The following SH3GL2 variants were observed in gnomAD, a reference collection of about 807,000 sequenced individuals.
SH3GL2 encodes SH3 domain containing GRB2 like 2, endophilin A1, also known as endophilin-A1.
In SH3GL2, 24 loss-of-function variants were observed where a neutral mutation model predicts 46.0. The observed-to-expected ratio is 0.52, with a 90% CI of 0.38 to 0.73. The LOEUF is 0.73. SH3GL2 is among the 30% of genes least tolerant of loss of function. The pLI, the probability that SH3GL2 is intolerant of heterozygous loss-of-function variation, is 0.00. For missense variants in SH3GL2, 413 were observed against 424.2 expected (o/e 0.97, Z 0.23); for synonymous variants, 196 against 147.1 (o/e 1.33, Z -2.40).
intron 1 of SH3GL2, among the ~76,000 whole-genome samples, chr9:17,579,685 C>T (rs1465588721): frequency 1.3e-5 from 2 of 152,140 alleles, no homozygotes; most frequent in Admixed American, 6.5e-5. Context: ...AGTCGGTGCA[C>T]CCGGCTTTCC....
chr9:17,787,610 T>C, intron 5 of SH3GL2, 97 bp downstream of exon 5: 1 of 953,994 alleles, frequency 1.0e-6, no homozygotes, highest in Non-Finnish European at 1.6e-6. Context: ...TTACCCTGTG[T>C]GTTGTCAGCT....
intron 1 of SH3GL2, among the ~76,000 whole-genome samples, chr9:17,679,095 G>A (rs1301709494): frequency 6.6e-6 from 1 of 152,112 alleles, no homozygotes; most frequent in Non-Finnish European, 1.5e-5. Flanking sequence ...TTTTGGCTTA[G>A]GATTGACTTG....
intron 1 of SH3GL2, among the ~76,000 whole-genome samples, chr9:17,733,901 G>C (rs149869311): frequency 0.069 from 10,407 of 151,356 alleles, 459 homozygotes; most frequent in Admixed American, 0.13. Context: ...TATTCTCACT[G>C]ATAGGTGGGA....
chr9:17,673,857 C>G (rs1424006362), intron 1 of SH3GL2, among the ~76,000 whole-genome samples: 2 of 152,252 alleles, frequency 1.3e-5, no homozygotes, highest in South Asian at 4.2e-4. Flanking sequence ...TTCTTTTGCT[C>G]ACCCATCTGC....
intron 1 of SH3GL2, among the ~76,000 whole-genome samples, chr9:17,665,923 A>T (rs1447082651): frequency 6.7e-6 from 1 of 149,016 alleles, no homozygotes; most frequent in Non-Finnish European, 1.5e-5. Context: ...CCATGACTTT[A>T]TACTGATATG....
chr9:17,688,165 T>C (rs1039447438), intron 1 of SH3GL2, among the ~76,000 whole-genome samples: 4 of 152,214 alleles, frequency 2.6e-5, no homozygotes, highest in Non-Finnish European at 5.9e-5. Flanking sequence ...GGGTGCCTCA[T>C]GTCGAGGTGT....
chr9:17,619,669 C>T (rs999739755), intron 1 of SH3GL2, among the ~76,000 whole-genome samples: 1 of 148,100 alleles, frequency 6.8e-6, no homozygotes, highest in Non-Finnish European at 1.5e-5. Context: ...AAGAGTGAAA[C>T]TCCATCTCAA....
At chr9:17,685,538 G>T (rs1168410978) in intron 1 of SH3GL2, among the ~76,000 whole-genome samples, 1 of 152,054 alleles carries the variant, frequency 6.6e-6, no homozygotes, top group Non-Finnish European at 1.5e-5. Flanking sequence ...TATTAGAATT[G>T]TGGGAAGACC....
intron 1 of SH3GL2, among the ~76,000 whole-genome samples, chr9:17,743,605 A>C: frequency 1.4e-5 from 1 of 71,344 alleles, no homozygotes; most frequent in Admixed American, 1.1e-4. Flanking sequence ...CACACACCCC[A>C]AATAGTTAAA....
intron 1 of SH3GL2, among the ~76,000 whole-genome samples, chr9:17,713,205 G>A (rs192228678): frequency 1.7e-4 from 25 of 151,122 alleles, no homozygotes; most frequent in Admixed American, 1.5e-3. Context: ...TATATTCCTC[G>A]GATAAACTCC....
intron 1 of SH3GL2, among the ~76,000 whole-genome samples, chr9:17,741,693 G>A (rs959058859): frequency 6.6e-5 from 10 of 152,168 alleles, no homozygotes; most frequent in African/African-American, 1.4e-4. Context: ...CTCTTCAAGC[G>A]CTGTGTTAAT....
chr9:17,596,454 T>A (rs1438529923), intron 1 of SH3GL2, among the ~76,000 whole-genome samples: 1 of 152,088 alleles, frequency 6.6e-6, no homozygotes, highest in Non-Finnish European at 1.5e-5. Context: ...GGAGTGCTCC[T>A]GTAAGATGTT....
At chr9:17,592,252 G>A (rs116400424) in intron 1 of SH3GL2, among the ~76,000 whole-genome samples, 3,232 of 152,268 alleles carry the variant, frequency 0.021, 122 homozygotes, top group African/African-American at 0.074. Context: ...GCTCTTCCCA[G>A]GCCCTCAAGC....
intron 2 of SH3GL2, among the ~76,000 whole-genome samples, chr9:17,759,073 A>G (rs1588308414): frequency 6.6e-6 from 1 of 152,218 alleles, no homozygotes; most frequent in South Asian, 2.1e-4. Context: ...ACAGAGCTTA[A>G]AAGGGAAGGG....
At chr9:17,725,808 AC>A (rs1221992799) in intron 1 of SH3GL2, among the ~76,000 whole-genome samples, 7 of 152,184 alleles carry the variant, frequency 4.6e-5, no homozygotes, top group East Asian at 1.9e-4. Flanking sequence ...TTGTGCTTCC[AC>A]AACACATGGC....
In SH3GL2 at chr9:17,750,725, A is replaced by G. The variant is rs546932648; in HGVS notation, c.114+3591A>G. On this transcript the variant is annotated intron_variant, in intron 2 of 8. Coordinates refer to ENST00000380607, the MANE Select transcript of SH3GL2 (RefSeq NM_003026.5). ...TAAGAGGAAGTTCGGAAATTTGAAGAACCTCTGGTTCCTTCTCAAATTTTC... is the reference window on the plus strand; with the variant it reads ...TAAGAGGAAGTTCGGAAATTTGAAGGACCTCTGGTTCCTTCTCAAATTTTC... 2.0e-5 allele frequency among the ~76,000 whole-genome samples: 3 copies of G among 152,334 alleles called. No homozygotes were observed. The South Asian group carries it at 6.2e-4, about 32-fold the overall frequency.
intron 1 of SH3GL2, among the ~76,000 whole-genome samples, chr9:17,726,337 C>T (rs1257769412): frequency 6.6e-6 from 1 of 152,116 alleles, no homozygotes; most frequent in African/African-American, 2.4e-5. Flanking sequence ...TTTGTGTTCC[C>T]TGTCTCCAGT....
At chr9:17,677,852 TC>T (rs1264367964) in intron 1 of SH3GL2, among the ~76,000 whole-genome samples, 86 of 152,080 alleles carry the variant, frequency 5.7e-4, no homozygotes, top group African/African-American at 2.0e-3. Flanking sequence ...ATTGTTCAAT[TC>T]CCACCTTTGA....
At chr9:17,778,233 A>AT (rs1292223569) in intron 3 of SH3GL2, among the ~76,000 whole-genome samples, 1 of 151,928 alleles carries the variant, frequency 6.6e-6, no homozygotes, top group African/African-American at 2.4e-5. Context: ...AAATCCATTC[A>AT]TTTTTTTCAG....
Sources: allele counts gnomAD v4.1 joint callset (sites outside exome capture counted in the v4.1 genomes callset), GRCh38; gene constraint gnomAD v4.1.1; transcripts MANE v1.5; gene names NCBI Gene and HGNC (gene_info 2026-07-23, HGNC 2026-07-21).